RBPMS: variants seen among roughly 807,000 people sequenced by gnomAD.
RBPMS encodes the protein RNA binding protein, mRNA processing factor, also known as RNA-binding protein with multiple splicing.
In RBPMS, 7 loss-of-function variants were observed where a neutral mutation model predicts 26.8. The ratio of observed to expected loss-of-function variants is 0.26; its 90% confidence interval spans 0.15 to 0.49. The LOEUF is 0.49. RBPMS is among the 20% of genes least tolerant of loss of function. The pLI is 0.98. For missense variants in RBPMS, 186 were observed against 250.0 expected, an observed-to-expected ratio of 0.74 and a Z score of 1.73; for synonymous variants, 96 against 93.3, an observed-to-expected ratio of 1.03 and a Z score of -0.17.
intron 1 of RBPMS, among the ~76,000 whole-genome samples, chr8:30,430,814 A>G (rs1177186710): frequency 6.6e-6 from 1 of 152,238 alleles, no homozygotes; most frequent in East Asian, 1.9e-4. Flanking sequence ...ATTAATTTAA[A>G]AAATACCTAT....
intron 5 of RBPMS, among the ~76,000 whole-genome samples, chr8:30,508,790 T>G (rs1321923432): frequency 6.6e-6 from 1 of 152,222 alleles, no homozygotes; most frequent in Non-Finnish European, 1.5e-5. Flanking sequence ...ATATTTAAGA[T>G]GGCTCATTTG....
In RBPMS at chr8:30,471,691, T is replaced by C. The variant is rs75321084; in HGVS notation, c.67-3088T>C. On this transcript the variant is annotated intron_variant, in intron 1 of 8. Coordinates refer to ENST00000397323, the MANE Select transcript of RBPMS (RefSeq NM_001008710.3). ...AGTGGAATAGATGGTGTTCACTTTC[T>C]GGACTATGGGAGGAGAGTTGCGGGT... 9.7e-3 allele frequency among the ~76,000 whole-genome samples: 1,481 copies of C among 152,332 alleles called. 25 individuals carry two copies. The highest frequency in any genetic ancestry group is 0.029 in the African/African-American group (1,208 of 41,592).
At chr8:30,562,316 G>A (rs1004225496) in intron 7 of RBPMS, among the ~76,000 whole-genome samples, 3 of 137,142 alleles carry the variant, frequency 2.2e-5, no homozygotes. Flanking sequence ...GGGCGACAGA[G>A]CAAGACTGTC....
intron 7 of RBPMS, among the ~76,000 whole-genome samples, chr8:30,560,605 CAAAT>C (rs991513416): frequency 2.6e-5 from 4 of 152,136 alleles, no homozygotes; most frequent in African/African-American, 4.8e-5. Context: ...CGAGTGTGGC[CAAAT>C]AATAATAGTC....
chr8:30,564,858 A>G (rs1026876430), intron 7 of RBPMS: 3 of 152,198 alleles, frequency 2.0e-5, no homozygotes, highest in Admixed American at 1.3e-4. Flanking sequence ...GGTGCAGACA[A>G]CTGTTGTTGA....
At chr8:30,387,066 A>G (rs1807195723) in intron 1 of RBPMS, 1 of 152,162 alleles carries the variant, frequency 6.6e-6, no homozygotes, top group Non-Finnish European at 1.5e-5. Context: ...GGGCCATTGC[A>G]GTACAGTTGC....
At chr8:30,559,045 T>G (rs1827229718) in intron 7 of RBPMS, 89 bp downstream of exon 7, 3 of 1,046,372 alleles carry the variant, frequency 2.9e-6, no homozygotes, top group Admixed American at 1.7e-5. Flanking sequence ...TCTCCTCCTT[T>G]CTCTGCACCC....
chr8:30,443,929 CAG>C (rs1406666476), intron 1 of RBPMS, among the ~76,000 whole-genome samples: 1 of 151,464 alleles, frequency 6.6e-6, no homozygotes, highest in African/African-American at 2.4e-5. Flanking sequence ...TTCACTGAGA[CAG>C]AGTCTGTCTC....
chr8:30,486,026 C>T (rs574499571), intron 4 of RBPMS, among the ~76,000 whole-genome samples: 2 of 152,294 alleles, frequency 1.3e-5, no homozygotes, highest in Admixed American at 1.3e-4. Context: ...GAAGCATTTA[C>T]ATAGGAAACT....
chr8:30,410,432 T>A (rs1473915679), intron 1 of RBPMS, among the ~76,000 whole-genome samples: 2 of 151,948 alleles, frequency 1.3e-5, no homozygotes, highest in Non-Finnish European at 2.9e-5. Context: ...ATGGTCTTGA[T>A]CTCCTGACCT....
chr8:30,522,253 G>T (rs1406357840), intron 5 of RBPMS, among the ~76,000 whole-genome samples: 1 of 150,382 alleles, frequency 6.6e-6, no homozygotes, highest in African/African-American at 2.4e-5. Flanking sequence ...GGGCAACATA[G>T]TGAGACCCCA....
chr8:30,423,001 T>G (rs1810967647), intron 1 of RBPMS, among the ~76,000 whole-genome samples: 1 of 152,210 alleles, frequency 6.6e-6, no homozygotes, highest in Non-Finnish European at 1.5e-5. Context: ...GCCATCATGT[T>G]CATTGCAGCT....
At chr8:30,552,520 T>G (rs1331294095) in intron 6 of RBPMS, 3 of 152,222 alleles carry the variant, frequency 2.0e-5, no homozygotes, top group Non-Finnish European at 4.4e-5. Context: ...GCCACGAAGT[T>G]CTATGCGCTT....
chr8:30,389,925 G>A (rs1351682824), intron 1 of RBPMS, among the ~76,000 whole-genome samples: 1 of 152,216 alleles, frequency 6.6e-6, no homozygotes, highest in Non-Finnish European at 1.5e-5. Flanking sequence ...AAAGGCTGGA[G>A]AGGAGAACCT....
At chr8:30,421,469 G>A (rs1468439280) in intron 1 of RBPMS, among the ~76,000 whole-genome samples, 3 of 152,080 alleles carry the variant, frequency 2.0e-5, no homozygotes, top group African/African-American at 7.2e-5. Context: ...TGTTATGTTT[G>A]TGTTTCTTAT....
At chr8:30,470,341 G>A (rs993785736) in intron 1 of RBPMS, among the ~76,000 whole-genome samples, 2 of 151,708 alleles carry the variant, frequency 1.3e-5, no homozygotes, top group Non-Finnish European at 2.9e-5. Context: ...CCAAGATCAC[G>A]CCATTGCACT....
chr8:30,469,221 G>A (rs543867288), intron 1 of RBPMS, among the ~76,000 whole-genome samples: 1 of 152,152 alleles, frequency 6.6e-6, no homozygotes, highest in South Asian at 2.1e-4. Flanking sequence ...TTAAAGAGAG[G>A]GCCATTTCAA....
intron 5 of RBPMS, among the ~76,000 whole-genome samples, chr8:30,538,280 A>T (rs1825012049): frequency 6.6e-6 from 1 of 151,756 alleles, no homozygotes; most frequent in Admixed American, 6.6e-5. Flanking sequence ...TTGGAGACAG[A>T]GTCTCGCTCT....
intron 5 of RBPMS, among the ~76,000 whole-genome samples, chr8:30,508,886 G>T (rs1821314804): frequency 6.6e-6 from 1 of 151,976 alleles, no homozygotes; most frequent in Non-Finnish European, 1.5e-5. Flanking sequence ...TATTATAATA[G>T]TGCCCTTAAA....
Sources: gnomAD v4.1 joint callset for allele counts (sites outside exome capture counted in the v4.1 genomes callset) on GRCh38, gnomAD v4.1.1 for gene constraint, MANE v1.5 for transcripts, NCBI Gene and HGNC (gene_info 2026-07-23, HGNC 2026-07-21) for gene names.